The following TMPRSS15 variants were observed in gnomAD, a reference collection of about 807,000 sequenced individuals.
The protein encoded by TMPRSS15 is enteropeptidase.
Under a neutral mutation model 125.3 loss-of-function variants are expected in TMPRSS15, and 128 were observed. That is an observed-to-expected ratio of 1.02 (90% CI 0.89 to 1.18). TMPRSS15 has a LOEUF of 1.18. TMPRSS15 is among the 50% of genes most tolerant of loss of function. The probability of loss-of-function intolerance (pLI) is 0.00; values close to 1 mark genes in which losing one functional copy is unlikely to be tolerated. For synonymous variants in TMPRSS15, 446 were observed against 423.2 expected (o/e 1.05, Z -0.66); for missense variants, 1,283 against 1,212.7 (o/e 1.06, Z -0.86).
At chr21:18,297,357 T>A (rs1265315662) in intron 19 of TMPRSS15, among the ~76,000 whole-genome samples, 1 of 152,160 alleles carries the variant, frequency 6.6e-6, no homozygotes, top group Non-Finnish European at 1.5e-5. Flanking sequence ...GCTAATTTGG[T>A]CTGCCTCCAG....
intron 10 of TMPRSS15, among the ~76,000 whole-genome samples, chr21:18,351,710 A>C (rs564453108): frequency 1.3e-5 from 2 of 152,298 alleles, no homozygotes; most frequent in South Asian, 4.1e-4. Flanking sequence ...GTATTTCTTT[A>C]TGGCAGTGTG....
intron 23 of TMPRSS15, among the ~76,000 whole-genome samples, chr21:18,278,083 C>T (rs1451062032): frequency 2.0e-5 from 3 of 152,162 alleles, no homozygotes; most frequent in African/African-American, 7.2e-5. Context: ...TCTGAGCCCT[C>T]TTGTCAGTAA....
intron 18 of TMPRSS15, among the ~76,000 whole-genome samples, chr21:18,301,444 C>G (rs2074972075): frequency 6.6e-6 from 1 of 152,090 alleles, no homozygotes; most frequent in African/African-American, 2.4e-5. Flanking sequence ...TGTGAAGTCA[C>G]CATTTACTTT....
chr21:18,382,204 T>C (rs2075899055), intron 4 of TMPRSS15, among the ~76,000 whole-genome samples: 1 of 152,104 alleles, frequency 6.6e-6, no homozygotes, highest in African/African-American at 2.4e-5. Flanking sequence ...TTCTCCCTGA[T>C]TGGGGGATAG....
intron 4 of TMPRSS15, 31 bp from the exon 5 acceptor site, chr21:18,379,349 TA>T: frequency 9.1e-7 from 1 of 1,097,274 alleles, no homozygotes; most frequent in East Asian, 2.9e-5. Context: ...AAATAATTAT[TA>T]CCTATTTTAA....
intron 1 of TMPRSS15, among the ~76,000 whole-genome samples, chr21:18,411,575 C>T (rs8130195): frequency 0.37 from 56,503 of 151,974 alleles, 10,874 homozygotes; most frequent in East Asian, 0.6. Flanking sequence ...TGAAGATCTT[C>T]TCCTTCATAT....
At chr21:18,392,025 G>A (rs1046220186) in intron 3 of TMPRSS15, among the ~76,000 whole-genome samples, 3 of 152,168 alleles carry the variant, frequency 2.0e-5, no homozygotes, top group African/African-American at 7.2e-5. Flanking sequence ...CAAGCCCCAA[G>A]GCTGTACACA....
intron 1 of TMPRSS15, among the ~76,000 whole-genome samples, chr21:18,400,524 C>A (rs1332173865): frequency 2.0e-5 from 3 of 152,002 alleles, no homozygotes; most frequent in Non-Finnish European, 2.9e-5. Flanking sequence ...ATCTGGCTAG[C>A]CATATGCAGA....
At chr21:18,460,612 G>T (rs1361328086) in intron 1 of TMPRSS15, 1 of 152,232 alleles carries the variant, frequency 6.6e-6, no homozygotes, top group Non-Finnish European at 1.5e-5. Context: ...TGCAGGGTGG[G>T]CTGGCAGGTG....
intron 1 of TMPRSS15, among the ~76,000 whole-genome samples, chr21:18,472,455 T>TTATATATATATATATATATATATATA (rs34604020): frequency 4.2e-5 from 6 of 143,150 alleles, no homozygotes; most frequent in Admixed American, 3.5e-4. Flanking sequence ...GCTAAAAGAA[T>TTATATATATATATATATATATATATA]TATATATATA....
At chr21:18,343,273 C>G (rs2075467611) in intron 12 of TMPRSS15, among the ~76,000 whole-genome samples, 1 of 152,106 alleles carries the variant, frequency 6.6e-6, no homozygotes, top group South Asian at 2.1e-4. Flanking sequence ...TTTTATGGAC[C>G]ATTATAAGCT....
In TMPRSS15 at chr21:18,269,924, G is replaced by T; in HGVS notation, c.*45C>A. On this transcript the variant is annotated 3_prime_UTR_variant, in exon 25 of 25. Transcript: ENST00000284885. Reference sequence around the variant, plus strand: ...CTTAATTTCCATGCTTTCTAGAGTAGAATGGGAAAATAATGCGACTTTCCT... The same window carrying T: ...CTTAATTTCCATGCTTTCTAGAGTATAATGGGAAAATAATGCGACTTTCCT... 5.0e-6 allele frequency: 8 copies of T among 1,607,262 alleles called. No individual in the cohort carries two copies. Among genetic ancestry groups the T allele is most frequent in the Non-Finnish European group, 6.0e-6 (7 of 1,174,918 alleles).
At chr21:18,423,724 A>G (rs1306836934) in intron 1 of TMPRSS15, among the ~76,000 whole-genome samples, 3 of 151,940 alleles carry the variant, frequency 2.0e-5, no homozygotes, top group Admixed American at 6.6e-5. Flanking sequence ...CCTAAAATAA[A>G]TTCCTCATTT....
chr21:18,459,836 A>G (rs1201052963), intron 1 of TMPRSS15, among the ~76,000 whole-genome samples: 5 of 152,144 alleles, frequency 3.3e-5, no homozygotes, highest in Non-Finnish European at 7.4e-5. Flanking sequence ...CTCTCCATTT[A>G]TTTTGATTAT....
Position 18,397,841 on chromosome 21 carries a change from A to C in TMPRSS15, c.344+38T>G, listed in dbSNP as rs139111210. Reference sequence around the variant, plus strand: ...TACAAATATTAGCAAAAAAATCACTAATTTTCCATCAGTAGAAAATTTTTG... The same window carrying C: ...TACAAATATTAGCAAAAAAATCACTCATTTTCCATCAGTAGAAAATTTTTG... On this transcript the variant is annotated intron_variant, in intron 3 of 24. Coordinates refer to ENST00000284885, the MANE Select transcript of TMPRSS15 (RefSeq NM_002772.3). The C allele has an allele frequency of 7.7e-4, 905 of 1,168,462 alleles. 7 individuals carry two copies. In the African/African-American group the frequency reaches 0.012, roughly 16 times the overall value. 72.4% of individuals were successfully genotyped at this position (1,168,462 alleles called of 1,614,324 possible). A position where few individuals can be genotyped will look rare whatever the true frequency, so the allele number is the denominator to read the frequency against.
chr21:18,359,590 A>G (rs1306139966), intron 8 of TMPRSS15, among the ~76,000 whole-genome samples, 167 bp downstream of exon 8: 1 of 152,066 alleles, frequency 6.6e-6, no homozygotes, highest in Admixed American at 6.6e-5. Flanking sequence ...AAGACCACAT[A>G]GAGCACTAAT....
At chr21:18,392,762 G>C (rs1248520427) in intron 3 of TMPRSS15, among the ~76,000 whole-genome samples, 1 of 152,170 alleles carries the variant, frequency 6.6e-6, no homozygotes, top group East Asian at 1.9e-4. Context: ...GACTGGGGAG[G>C]CCTCAGGAAA....
chr21:18,464,930 T>C (rs920901597), intron 1 of TMPRSS15, among the ~76,000 whole-genome samples: 2 of 152,140 alleles, frequency 1.3e-5, no homozygotes, highest in African/African-American at 4.8e-5. Flanking sequence ...ATCATCCTTT[T>C]ACCAAAACCT....
intron 1 of TMPRSS15, among the ~76,000 whole-genome samples, chr21:18,412,910 A>G (rs913662451): frequency 6.6e-6 from 1 of 152,176 alleles, no homozygotes; most frequent in Non-Finnish European, 1.5e-5. Context: ...GTTCAGTTAA[A>G]TTCCTTACAT....
Sources: gnomAD v4.1 joint callset for allele counts (sites outside exome capture counted in the v4.1 genomes callset) on GRCh38, gnomAD v4.1.1 for gene constraint, MANE v1.5 for transcripts, NCBI Gene and HGNC (gene_info 2026-07-23, HGNC 2026-07-21) for gene names.